MINK1: variants seen among roughly 807,000 people sequenced by gnomAD.
MINK1 encodes the protein misshapen like kinase 1.
Under a neutral mutation model 178.4 loss-of-function variants are expected in MINK1, and 46 were observed. The ratio of observed to expected loss-of-function variants is 0.26; its 90% CI spans 0.20 to 0.33. The LOEUF (loss-of-function observed/expected upper bound fraction) is 0.33. Among genes scored for constraint, MINK1 ranks in the 10% least tolerant of loss-of-function variants. MINK1 has a pLI of 1.00. For missense variants in MINK1, 1,366 were observed against 1,814.9 expected (o/e 0.75, Z 4.49); for synonymous variants, 797 against 709.7 (o/e 1.12, Z -1.96).
At chr17:4,872,645 G>A (rs1168090468) in intron 1 of MINK1, among the ~76,000 whole-genome samples, 3 of 151,024 alleles carry the variant, frequency 2.0e-5, no homozygotes, top group African/African-American at 7.3e-5. Flanking sequence ...GGTGGTGCGC[G>A]CCTGTAATCC....
chr17:4,885,011 G>T lies in MINK1; in HGVS notation c.508+9G>T. Reference sequence around the variant, plus strand: ...TGCTGAGGTCAAGCTAGGTGCGCCGGCTCCTTCTGAGGCTGACGAGGACCT... The same window carrying T: ...TGCTGAGGTCAAGCTAGGTGCGCCGTCTCCTTCTGAGGCTGACGAGGACCT... On this transcript the variant is annotated intron_variant, in intron 6 of 31. Transcript: ENST00000355280. The surrounding 1 kb of genome is among the most constrained non-coding windows in gnomAD (Gnocchi z 5.0). 6.2e-7 allele frequency: 1 copy of T among 1,613,556 alleles called. No homozygotes were observed. The highest frequency in any genetic ancestry group is 1.1e-5 in the South Asian group (1 of 91,006).
rs1968688087 is a variant in MINK1, at chr17:4,890,547, C to T, written c.1378C>T (p.Arg460Trp). 3.1e-6 allele frequency: 5 copies of T among 1,589,748 alleles called. No individual in the cohort carries two copies. Among genetic ancestry groups the T allele is most frequent in the South Asian group, 1.1e-5 (1 of 86,964 alleles). The change falls in exon 14 of 32, where the codon CGG becomes TGG. Residue 460 changes from arginine (R) to tryptophan (W), a missense_variant. Arg to Trp is a moderately radical substitution (Grantham distance 101). Coordinates refer to ENST00000355280, the MANE Select transcript of MINK1 (RefSeq NM_153827.5). Reference protein sequence around the residue: ...EYKRKQLEEQRQSERLQRQLQ... With the variant: ...EYKRKQLEEQWQSERLQRQLQ... Reference sequence around the variant, plus strand: ...CAAGCGGAAGCAGCTGGAGGAGCAGCGGCAGTCAGAACGTCTCCAGAGGCA... The same window carrying T: ...CAAGCGGAAGCAGCTGGAGGAGCAGTGGCAGTCAGAACGTCTCCAGAGGCA...
At chr17:4,891,395 A>T in intron 15 of MINK1, 61 bp from the exon 16 acceptor site, 1 of 1,504,994 alleles carries the variant, frequency 6.6e-7, no homozygotes, top group Non-Finnish European at 8.9e-7. Context: ...CCAGACCCCA[A>T]TTCGCAGGTG....
chr17:4,895,571 G>C lies in MINK1; in HGVS notation c.3229+78G>C. ...TCACCATCTTCTGCCTGGGAGGAGG[G>C]CAGGCACTGGAAGGTGGGGCCACAC... On this transcript the variant is annotated intron_variant, in intron 26 of 31. Transcript: ENST00000355280. This position sits in a 1 kb window ranked among gnomAD's most constrained non-coding sequence, Gnocchi z 4.3. 6.5e-7 allele frequency: 1 copy of C among 1,546,934 alleles called. No homozygotes were observed. Among genetic ancestry groups the C allele is most frequent in the Middle Eastern group, 1.8e-4 (1 of 5,506 alleles).
At chr17:4,893,101 A>G in intron 20 of MINK1, 34 bp downstream of exon 20, 1 of 1,548,358 alleles carries the variant, frequency 6.5e-7, no homozygotes, top group Non-Finnish European at 8.7e-7. Flanking sequence ...GGCCTGCCTC[A>G]TCCTGGTTTG....
chr17:4,864,405 G>T (rs935930384), intron 1 of MINK1, among the ~76,000 whole-genome samples: 50 of 148,864 alleles, frequency 3.4e-4, no homozygotes, highest in Admixed American at 6.1e-4. Flanking sequence ...GTCTCAAAAA[G>T]AATAAATAAT....
At chr17:4,873,031 G>A (rs372247183) in intron 1 of MINK1, among the ~76,000 whole-genome samples, 2 of 152,044 alleles carry the variant, frequency 1.3e-5, no homozygotes, top group Non-Finnish European at 2.9e-5. Context: ...AGTGGTTTCC[G>A]AGCTGCTGAA....
At chr17:4,874,953 C>A in intron 1 of MINK1, 1 of 456,538 alleles carries the variant, frequency 2.2e-6, no homozygotes, top group Non-Finnish European at 4.4e-6. Flanking sequence ...TTGATGGTGA[C>A]AGATCATTAT....
chr17:4,892,773 G>A lies in MINK1; in HGVS notation c.2311+5G>A. 6.3e-7 allele frequency: 1 copy of A among 1,598,994 alleles called. No individual in the cohort carries two copies. Among genetic ancestry groups the A allele is most frequent in the South Asian group, 1.1e-5 (1 of 88,906 alleles). ...TGGAGCGGAACCGCGTGGGAGGTAT[G>A]TGAGCCAGGGCTGGGCAGCCTGCTC... On this transcript the variant is annotated splice_donor_5th_base_variant and intron_variant, in intron 19 of 31. Coordinates refer to ENST00000355280, the MANE Select transcript of MINK1 (RefSeq NM_153827.5).
intron 1 of MINK1, among the ~76,000 whole-genome samples, chr17:4,864,522 C>T (rs1164313199): frequency 6.6e-6 from 1 of 151,658 alleles, no homozygotes; most frequent in Non-Finnish European, 1.5e-5. Context: ...GTTAGGAGTT[C>T]GAGACCAGCC....
At chr17:4,880,127 A>G (rs1967556537) in intron 2 of MINK1, among the ~76,000 whole-genome samples, 1 of 151,952 alleles carries the variant, frequency 6.6e-6, no homozygotes, top group Admixed American at 6.6e-5. Context: ...ATCTGTCTTG[A>G]GTTTTTATGG....
At chr17:4,867,104 T>TAATAATAATAATAAA (rs1180632644) in intron 1 of MINK1, among the ~76,000 whole-genome samples, 43 of 138,746 alleles carry the variant, frequency 3.1e-4, no homozygotes, top group African/African-American at 4.3e-4. Flanking sequence ...ATAATAATAA[T>TAATAATAATAATAAA]AAACTGCACA....
chr17:4,853,042 A>G (rs1480531180), intron 1 of MINK1, among the ~76,000 whole-genome samples: 1 of 476 alleles, frequency 2.1e-3, no homozygotes, highest in Non-Finnish European at 3.9e-3. Context: ...AGTGTGGTTG[A>G]GGGGGAGTGT....
In MINK1 at chr17:4,896,376, G is replaced by A. The variant is rs145857033; in HGVS notation, c.3615+34G>A. The A allele has an allele frequency of 4.5e-5, 72 of 1,605,834 alleles. No homozygotes were observed. The African/African-American group carries it at 7.7e-4, about 17-fold the overall frequency. On this transcript the variant is annotated intron_variant, in intron 29 of 31. Transcript: ENST00000355280. The surrounding 1 kb of genome is among the most constrained non-coding windows in gnomAD (Gnocchi z 4.6). ...GGCGGGGCTGCTGGGGGAGTGGGAT[G>A]GCCCAGTCTGGGCACCAGACACGGA...
At chr17:4,843,926 G>A (rs994956701) in intron 1 of MINK1, among the ~76,000 whole-genome samples, 1 of 152,156 alleles carries the variant, frequency 6.6e-6, no homozygotes, top group Non-Finnish European at 1.5e-5. Context: ...TGGGCACTGA[G>A]GGGAGGACAG....
chr17:4,847,300 G>A (rs941170652), intron 1 of MINK1: 39 of 450,512 alleles, frequency 8.7e-5, no homozygotes, highest in Non-Finnish European at 1.2e-4. Flanking sequence ...ATGCAGTGGC[G>A]CAGTCTCAGC....
chr17:4,843,464 C>T (rs376812418), intron 1 of MINK1, among the ~76,000 whole-genome samples: 12 of 148,554 alleles, frequency 8.1e-5, no homozygotes, highest in African/African-American at 2.7e-4. Context: ...GGCGACAGAA[C>T]GAGACTCCGT....
intron 13 of MINK1, 197 bp from the exon 14 acceptor site, chr17:4,890,320 C>T: frequency 7.0e-7 from 1 of 1,421,804 alleles, no homozygotes; most frequent in Non-Finnish European, 9.2e-7. Context: ...TAACGGGTCC[C>T]TCAGCGTCCT....
Position 4,894,506 on chromosome 17 carries a change from T to G in MINK1, c.2809-19T>G. Reference sequence around the variant, plus strand: ...CTGGACTTGCACTTGTTTGCCTGACTGCTGTCCCCCTACCACAGTACCAGT... The same window carrying G: ...CTGGACTTGCACTTGTTTGCCTGACGGCTGTCCCCCTACCACAGTACCAGT... On this transcript the variant is annotated intron_variant, in intron 23 of 31. Coordinates refer to ENST00000355280, the MANE Select transcript of MINK1 (RefSeq NM_153827.5). The surrounding 1 kb of genome is among the most constrained non-coding windows in gnomAD (Gnocchi z 4.1). 6.3e-7 allele frequency: 1 copy of G among 1,575,362 alleles called. No homozygotes were observed. The highest frequency in any genetic ancestry group is 8.6e-7 in the Non-Finnish European group (1 of 1,159,002).
Sources: gnomAD v4.1 joint callset for allele counts (sites outside exome capture counted in the v4.1 genomes callset) on GRCh38, gnomAD v4.1.1 for gene constraint, Gnocchi (gnomAD v3.1) non-coding constraint, MANE v1.5 for transcripts, NCBI Gene and HGNC (gene_info 2026-07-23, HGNC 2026-07-21) for gene names.